RAB3IP: variants seen among roughly 807,000 people sequenced by gnomAD.
The protein encoded by RAB3IP is RAB3A interacting protein, also known as rab-3A-interacting protein.
In RAB3IP, 36 loss-of-function variants were observed where a neutral mutation model predicts 59.1. That is an observed-to-expected ratio of 0.61 (90% CI 0.47 to 0.80). The LOEUF is 0.80. Among genes scored for constraint, RAB3IP ranks in the 30% least tolerant of loss-of-function variants. The pLI, the probability that RAB3IP is intolerant of heterozygous loss-of-function variation, is 0.00. For missense variants in RAB3IP, 511 were observed against 536.0 expected (o/e 0.95, Z 0.46); for synonymous variants, 207 against 191.2 (o/e 1.08, Z -0.68).
chr12:69,773,254 T>C (rs969535841), intron 3 of RAB3IP, among the ~76,000 whole-genome samples: 1 of 152,106 alleles, frequency 6.6e-6, no homozygotes, highest in Non-Finnish European at 1.5e-5. Flanking sequence ...GAGAGCTTGA[T>C]TATAATATGC....
intron 4 of RAB3IP, among the ~76,000 whole-genome samples, chr12:69,791,626 A>G (rs1013544955): frequency 2.6e-5 from 4 of 152,314 alleles, no homozygotes; most frequent in African/African-American, 9.6e-5. Context: ...ATAGCACCCC[A>G]CACTGGTTAG....
Position 69,806,420 on chromosome 12 carries a change from A to G in RAB3IP, c.1130+4699A>G, listed in dbSNP as rs1388733840. Among the ~76,000 whole-genome samples, 11 of 151,710 alleles carry G rather than the reference A, an allele frequency of 7.3e-5. 1 individual carries two copies. In the South Asian group the frequency reaches 2.3e-3, roughly 32 times the overall value. On this transcript the variant is annotated intron_variant, in intron 8 of 10. Transcript: ENST00000247833. ...TTATTAGTCTTGCTAGCGGTCTATC[A>G]GTTTTGTTGATCTTTTCAAAAAACC...
At chr12:69,805,839 G>T (rs1171206572) in intron 8 of RAB3IP, among the ~76,000 whole-genome samples, 27 of 150,588 alleles carry the variant, frequency 1.8e-4, no homozygotes, top group African/African-American at 6.5e-4. Flanking sequence ...GCATCCCAGG[G>T]ATGAAGCCCA....
chr12:69,755,359 G>T, intron 1 of RAB3IP, 25 bp from the exon 2 acceptor site: 1 of 1,573,138 alleles, frequency 6.4e-7, no homozygotes, highest in Non-Finnish European at 8.7e-7. Context: ...CTAAAAATAA[G>T]TATCTGCTTT....
chr12:69,742,043 T>C (rs991397484), intron 1 of RAB3IP, among the ~76,000 whole-genome samples: 2 of 152,250 alleles, frequency 1.3e-5, no homozygotes, highest in Non-Finnish European at 2.9e-5. Flanking sequence ...TAGGGCCTTA[T>C]AATCATTCCC....
In RAB3IP at chr12:69,801,725, G is replaced by A; in HGVS notation, c.1130+4G>A. On this transcript the variant is annotated splice_donor_region_variant and intron_variant, in intron 8 of 10. Transcript: ENST00000247833. ...CAGTTGAATGCGGAGGACCAAAGTA[G>A]GTTTTTACGTGCATGAACTGTGAAA... The A allele has an allele frequency of 6.4e-7, 1 of 1,574,552 alleles. No homozygotes were observed. Among genetic ancestry groups the A allele is most frequent in the African/African-American group, 1.4e-5 (1 of 74,060 alleles).
intron 1 of RAB3IP, chr12:69,739,974 C>T (rs1245828605): frequency 2.8e-6 from 3 of 1,083,478 alleles, no homozygotes; most frequent in South Asian, 2.7e-5. Flanking sequence ...CTGTTATACA[C>T]TCTCCTGTTT....
chr12:69,779,979 T>TC (rs566163517), intron 3 of RAB3IP, among the ~76,000 whole-genome samples: 242 of 152,320 alleles, frequency 1.6e-3, no homozygotes, highest in African/African-American at 5.0e-3. Flanking sequence ...TGCCCATCCT[T>TC]CAGTGGGCCT....
At chr12:69,785,568 C>A (rs1465201647) in intron 4 of RAB3IP, among the ~76,000 whole-genome samples, 1 of 152,086 alleles carries the variant, frequency 6.6e-6, no homozygotes, top group African/African-American at 2.4e-5. Context: ...GCAAATGTTT[C>A]AGTTTGAGTC....
chr12:69,747,225 T>C (rs923801784), intron 1 of RAB3IP, among the ~76,000 whole-genome samples: 8 of 152,220 alleles, frequency 5.3e-5, no homozygotes, highest in East Asian at 1.9e-4. Context: ...GTGCCAGATA[T>C]GGTGCTAAGC....
At chr12:69,813,638 T>G (rs905929147) in intron 10 of RAB3IP, among the ~76,000 whole-genome samples, 53 of 152,090 alleles carry the variant, frequency 3.5e-4, no homozygotes, top group African/African-American at 1.2e-3. Context: ...ATATCAGGCA[T>G]GAAAACTAAT....
chr12:69,780,050 A>G (rs975800490), intron 3 of RAB3IP, among the ~76,000 whole-genome samples: 5 of 152,202 alleles, frequency 3.3e-5, no homozygotes, highest in Non-Finnish European at 7.3e-5. Flanking sequence ...TTTCAGCGGT[A>G]GAGGGCGCCT....
chr12:69,780,819 T>G (rs1348058277), intron 3 of RAB3IP, among the ~76,000 whole-genome samples: 2 of 152,212 alleles, frequency 1.3e-5, no homozygotes, highest in Non-Finnish European at 2.9e-5. Context: ...TTTTTTTTTT[T>G]TAATTAGTAT....
chr12:69,748,622 G>A (rs922955612), intron 1 of RAB3IP, among the ~76,000 whole-genome samples: 2 of 152,170 alleles, frequency 1.3e-5, no homozygotes, highest in African/African-American at 4.8e-5. Flanking sequence ...GGCCAGCCAA[G>A]TTGTGTTGGT....
chr12:69,807,174 G>T (rs1226091926), intron 8 of RAB3IP, among the ~76,000 whole-genome samples: 4 of 151,592 alleles, frequency 2.6e-5, no homozygotes, highest in African/African-American at 9.7e-5. Flanking sequence ...TGGCCGGGCA[G>T]AGGAGCTCCT....
At position 69,786,626 on chromosome 12, in the gene RAB3IP, T is replaced by A. The variant is rs112104631; in HGVS notation, c.606+1811T>A. Among the ~76,000 whole-genome samples, 63 of 152,238 alleles carry A rather than the reference T, an allele frequency of 4.1e-4. 1 individual carries two copies. Among genetic ancestry groups the A allele is most frequent in the African/African-American group, 1.5e-3 (61 of 41,546 alleles). On this transcript the variant is annotated intron_variant, in intron 4 of 10. Coordinates refer to ENST00000247833, the MANE Select transcript of RAB3IP (RefSeq NM_022456.5). ...TAAGAAAGCAAATATATTAAGCTAT[T>A]TATGTTAATTTTGATTTCCTGACTA...
Position 69,819,208 on chromosome 12 carries a change from CAA to C in RAB3IP, c.*3767_*3768del, listed in dbSNP as rs745946385. 9.2e-5 allele frequency: 14 copies of C among 151,910 alleles called. No individual in the cohort carries two copies. Among genetic ancestry groups the C allele is most frequent in the Non-Finnish European group, 1.6e-4 (11 of 67,956 alleles). 9.4% of individuals were successfully genotyped at this position (151,910 alleles called of 1,614,324 possible). Reference sequence around the variant, plus strand: ...AGTTATATGTGCCTTCATTCCAAAACAAAAAATAAAAGGTAAGAAAATTGTTG... The same window carrying C: ...AGTTATATGTGCCTTCATTCCAAAACAAAATAAAAGGTAAGAAAATTGTTG... On this transcript the variant is annotated 3_prime_UTR_variant, in exon 11 of 11. Transcript: ENST00000247833.
chr12:69,774,980 T>A (rs1475128379), intron 3 of RAB3IP, among the ~76,000 whole-genome samples: 1 of 23,862 alleles, frequency 4.2e-5, no homozygotes, highest in African/African-American at 9.5e-5. Flanking sequence ...GGGGATGGCA[T>A]TGAATCTGTA....
chr12:69,789,823 T>G (rs1325059682), intron 4 of RAB3IP, among the ~76,000 whole-genome samples: 1 of 152,170 alleles, frequency 6.6e-6, no homozygotes, highest in Non-Finnish European at 1.5e-5. Flanking sequence ...AATAGAATGA[T>G]ATAATAATAT....
Sources: allele counts gnomAD v4.1 joint callset (sites outside exome capture counted in the v4.1 genomes callset), GRCh38; gene constraint gnomAD v4.1.1; transcripts MANE v1.5; gene names NCBI Gene and HGNC (gene_info 2026-07-23, HGNC 2026-07-21).